Variants in WDR45B observed in about 807,000 individuals in gnomAD.
WDR45B encodes WD repeat domain phosphoinositide-interacting protein 3.
A neutral mutation model predicts 44.6 loss-of-function variants in WDR45B; 20 were observed. The observed-to-expected ratio is 0.45, with a 90% confidence interval of 0.32 to 0.65. WDR45B has a LOEUF of 0.65. Ranked by LOEUF, WDR45B falls within the 30% of genes least tolerant of loss-of-function variation. WDR45B has a pLI of 0.05. For missense variants in WDR45B, 323 were observed against 430.2 expected (o/e 0.75, Z 2.20); for synonymous variants, 169 against 164.9 (o/e 1.02, Z -0.19).
Position 82,615,782 on chromosome 17 carries a change from A to T in WDR45B, c.*137T>A, listed in dbSNP as rs1598255126. On this transcript the variant is annotated 3_prime_UTR_variant, in exon 10 of 10. Coordinates refer to ENST00000392325, the MANE Select transcript of WDR45B (RefSeq NM_019613.4). Reference sequence around the variant, plus strand: ...AATGGGAGTCCTTAGGAAAGCAGACAACCACGTATGGCTTCGAGACCAAGG... The same window carrying T: ...AATGGGAGTCCTTAGGAAAGCAGACTACCACGTATGGCTTCGAGACCAAGG... 7 of 760,958 alleles carry T rather than the reference A, an allele frequency of 9.2e-6. No homozygotes were observed. Among genetic ancestry groups the T allele is most frequent in the Non-Finnish European group, 1.4e-5 (6 of 434,432 alleles). 47.1% of individuals were successfully genotyped at this position (760,958 alleles called of 1,614,324 possible). A position where few individuals can be genotyped will look rare whatever the true frequency, so the allele number is the denominator to read the frequency against.
intron 1 of WDR45B, 128 bp downstream of exon 1, chr17:82,648,146 C>T (rs1414646108): frequency 6.3e-6 from 7 of 1,112,224 alleles, no homozygotes; most frequent in African/African-American, 1.7e-5. Flanking sequence ...GAGGGGAGCT[C>T]GGGCGGGGCC....
intron 2 of WDR45B, among the ~76,000 whole-genome samples, chr17:82,641,956 GAA>G (rs35183254): frequency 5.4e-5 from 8 of 147,588 alleles, no homozygotes; most frequent in Middle Eastern, 6.8e-3. Flanking sequence ...GGAAAAAAGA[GAA>G]AAAAAAAATC....
intron 2 of WDR45B, among the ~76,000 whole-genome samples, chr17:82,638,974 C>G (rs910469387): frequency 1.3e-5 from 2 of 151,954 alleles, no homozygotes; most frequent in African/African-American, 4.9e-5. Flanking sequence ...AGGCACCCAC[C>G]ACCATGCCCG....
chr17:82,640,968 G>GTTTTT (rs1161941202), intron 2 of WDR45B, among the ~76,000 whole-genome samples: 2 of 42,484 alleles, frequency 4.7e-5, no homozygotes, highest in African/African-American at 2.0e-4. Flanking sequence ...TTCTTGTCTG[G>GTTTTT]GTTTTTTTTT....
chr17:82,624,997 A>G (rs2045676746), intron 5 of WDR45B, among the ~76,000 whole-genome samples: 1 of 152,184 alleles, frequency 6.6e-6, no homozygotes, highest in African/African-American at 2.4e-5. Context: ...CCAATATAAA[A>G]AGATATGAAG....
At chr17:82,630,782 G>T in intron 3 of WDR45B, 139 bp downstream of exon 3, 1 of 873,990 alleles carries the variant, frequency 1.1e-6, no homozygotes. Flanking sequence ...CTCTTCGCCT[G>T]CTTCCTCCCC....
At chr17:82,638,947 C>T (rs555116260) in intron 2 of WDR45B, among the ~76,000 whole-genome samples, 141 of 152,052 alleles carry the variant, frequency 9.3e-4, no homozygotes, top group Non-Finnish European at 1.5e-3. Context: ...CTCAGCCTTC[C>T]AAGTAGCTGG....
chr17:82,639,058 T>C lies in WDR45B; in HGVS notation c.142+4891A>G, dbSNP rs544516401. ...GGATGGTCTCGATCTCCTGACCTCG[T>C]GATCCACCTGCCTCGGCCTCCTAAA... On this transcript the variant is annotated intron_variant, in intron 2 of 9. Transcript: ENST00000392325. Among the ~76,000 whole-genome samples the C allele has an allele frequency of 3.3e-5, 5 of 152,132 alleles. No individual in the cohort carries two copies. The East Asian group carries it at 7.7e-4, about 23-fold the overall frequency.
chr17:82,646,381 G>A (rs1292434504), intron 1 of WDR45B, among the ~76,000 whole-genome samples: 4 of 150,428 alleles, frequency 2.7e-5, no homozygotes, highest in African/African-American at 9.8e-5. Context: ...CAGCTACTCG[G>A]GAGGCTGAGA....
intron 6 of WDR45B, among the ~76,000 whole-genome samples, chr17:82,620,025 G>A (rs998867070): frequency 2.6e-5 from 4 of 152,180 alleles, no homozygotes; most frequent in African/African-American, 7.2e-5. Flanking sequence ...TGGGGATGGA[G>A]AATCTAAAGA....
chr17:82,629,586 G>C, intron 3 of WDR45B: 1 of 985,418 alleles, frequency 1.0e-6, no homozygotes, highest in South Asian at 4.7e-5. Flanking sequence ...GTCTTCCACT[G>C]TTTTTCCTAC....
Position 82,629,616 on chromosome 17 carries a change from C to T in WDR45B, c.244+1305G>A, listed in dbSNP as rs1213816793. On this transcript the variant is annotated intron_variant, in intron 3 of 9. Coordinates refer to ENST00000392325, the MANE Select transcript of WDR45B (RefSeq NM_019613.4). ...TCCTACCGATAATCTCTTCCCATTT[C>T]ATTTCTCTGTTCCTAATTCCAAAAC... The T allele has an allele frequency of 3.0e-6, 3 of 985,380 alleles. No homozygotes were observed. The African/African-American group carries it at 5.2e-5, about 17-fold the overall frequency. The allele number at this position is 985,380 out of a possible 1,614,324, so 61.0% of individuals were successfully genotyped here.
intron 2 of WDR45B, among the ~76,000 whole-genome samples, chr17:82,640,226 T>C (rs538086365): frequency 2.2e-4 from 33 of 152,228 alleles, no homozygotes; most frequent in South Asian, 1.5e-3. Context: ...GAGAGAACCA[T>C]GCCACAAGCC....
chr17:82,622,187 A>T (rs1373906270), intron 5 of WDR45B, among the ~76,000 whole-genome samples: 1 of 152,220 alleles, frequency 6.6e-6, no homozygotes, highest in Non-Finnish European at 1.5e-5. Flanking sequence ...TAAAAATATT[A>T]AAAAACGGAG....
intron 2 of WDR45B, among the ~76,000 whole-genome samples, chr17:82,640,096 C>A (rs569546190): frequency 1.3e-5 from 2 of 151,854 alleles, no homozygotes; most frequent in Non-Finnish European, 2.9e-5. Flanking sequence ...GAGCAGGGAT[C>A]CCCAAGAAGG....
At chr17:82,643,775 C>T (rs2045944872) in intron 2 of WDR45B, among the ~76,000 whole-genome samples, 174 bp downstream of exon 2, 1 of 152,170 alleles carries the variant, frequency 6.6e-6, no homozygotes, top group Admixed American at 6.5e-5. Flanking sequence ...CCCTCAGCAC[C>T]TGTAGAAGCT....
At chr17:82,641,051 G>T (rs189857993) in intron 2 of WDR45B, among the ~76,000 whole-genome samples, 1 of 140,028 alleles carries the variant, frequency 7.1e-6, no homozygotes, top group African/African-American at 2.7e-5. Context: ...CTGCAACCTC[G>T]GCCTCCCGGG....
Position 82,615,670 on chromosome 17 carries a change from G to T in WDR45B, c.*249C>A. ...AGCTAACGTCACAGCTGAACTCATG[G>T]GAACAGCCAGTGGCCGCCAGTCGAG... On this transcript the variant is annotated 3_prime_UTR_variant, in exon 10 of 10. Coordinates refer to ENST00000392325, the MANE Select transcript of WDR45B (RefSeq NM_019613.4). 3.7e-6 allele frequency: 2 copies of T among 538,436 alleles called. No individual in the cohort carries two copies. The highest frequency in any genetic ancestry group is 6.7e-6 in the Non-Finnish European group (2 of 297,732). The allele number at this position is 538,436 out of a possible 1,614,324, so 33.4% of individuals were successfully genotyped here.
intron 1 of WDR45B, among the ~76,000 whole-genome samples, chr17:82,645,220 C>A (rs947866392): frequency 2.6e-5 from 4 of 151,914 alleles, no homozygotes; most frequent in African/African-American, 9.7e-5. Context: ...ATCACTTGAA[C>A]CCAGGAGGGG....
Sources: allele counts gnomAD v4.1 joint callset (sites outside exome capture counted in the v4.1 genomes callset), GRCh38; gene constraint gnomAD v4.1.1; transcripts MANE v1.5; gene names NCBI Gene and HGNC (gene_info 2026-07-23, HGNC 2026-07-21).